The following SYTL4 variants were observed in gnomAD, a reference collection of about 807,000 sequenced individuals.
The protein encoded by SYTL4 is synaptotagmin like 4.
A neutral mutation model predicts 52.7 loss-of-function variants in SYTL4; 16 were observed. That is an observed-to-expected ratio of 0.30 (90% confidence interval 0.21 to 0.46). SYTL4 has a LOEUF of 0.46. SYTL4 is among the 20% of genes least tolerant of loss of function. The pLI, the probability that SYTL4 is intolerant of heterozygous loss-of-function variation, is 1.00. For synonymous variants in SYTL4, 160 were observed against 186.6 expected (o/e 0.86, Z 1.16); for missense variants, 423 against 519.9 (o/e 0.81, Z 1.81).
intron 8 of SYTL4, among the ~76,000 whole-genome samples, chrX:100,695,741 A>G (rs1243733365): frequency 8.9e-6 from 1 of 112,236 alleles, no homozygotes; most frequent in African/African-American, 3.2e-5. Context: ...CACATGTTCA[A>G]GTGTGCAACG....
rs2083468235 is a variant in SYTL4 at position 100,686,074 on chromosome X, G to A, written c.1365C>T (p.Asn455=). 8.3e-7 allele frequency: 1 copy of A among 1,209,807 alleles called. No homozygotes were observed. Among genetic ancestry groups the A allele is most frequent in the African/African-American group, 1.7e-5 (1 of 57,772 alleles). Residue 455 remains asparagine (N), a synonymous_variant, in exon 16 of 20, where the codon AAC becomes AAT. Transcript: ENST00000372989. ...GGATCTCTGCCTCTCCAAGGAAAGTGTTTCTGCCAAAACGACCATGATGCC... is the reference window on the plus strand; with the variant it reads ...GGATCTCTGCCTCTCCAAGGAAAGTATTTCTGCCAAAACGACCATGATGCC... ...SVWHHGRFGR[N]TFLGEAEIQM...
At chrX:100,702,879 T>C (rs1294360063) in intron 4 of SYTL4, among the ~76,000 whole-genome samples, 1 of 111,140 alleles carries the variant, frequency 9.0e-6, no homozygotes, top group Non-Finnish European at 1.9e-5. Flanking sequence ...TATGAGAACT[T>C]AGGGAAGAAA....
intron 15 of SYTL4, 120 bp from the exon 16 acceptor site, chrX:100,686,271 T>C (rs1602767892): frequency 1.4e-6 from 1 of 718,270 alleles, no homozygotes. Context: ...AATTACTTTA[T>C]GTTCCCTGAG....
At chrX:100,724,053 C>T (rs1189628427) in intron 2 of SYTL4, among the ~76,000 whole-genome samples, 1 of 86,125 alleles carries the variant, frequency 1.2e-5, no homozygotes, top group East Asian at 4.1e-4. Context: ...CCGCCCCGTC[C>T]GGGAGGTGAG....
intron 2 of SYTL4, among the ~76,000 whole-genome samples, chrX:100,710,894 T>C (rs1218114842): frequency 4.5e-5 from 5 of 112,148 alleles, no homozygotes; most frequent in Non-Finnish European, 9.4e-5. Context: ...AAGGTTTCAC[T>C]CAAGTGTTTA....
intron 2 of SYTL4, among the ~76,000 whole-genome samples, chrX:100,715,947 A>C (rs1056411827): frequency 1.2e-4 from 3 of 25,360 alleles, no homozygotes; most frequent in Non-Finnish European, 2.2e-4. Flanking sequence ...CTCTCTCTCA[A>C]AAAAAAAAAA....
chrX:100,723,467 C>T (rs374429404), intron 2 of SYTL4, among the ~76,000 whole-genome samples: 1 of 112,061 alleles, frequency 8.9e-6, no homozygotes, highest in Admixed American at 9.4e-5. Flanking sequence ...TCTCGGCTCA[C>T]TACAACCTCC....
intron 2 of SYTL4, among the ~76,000 whole-genome samples, chrX:100,713,031 G>C (rs974374855): frequency 8.9e-5 from 10 of 112,473 alleles, no homozygotes. Context: ...ATACACTACA[G>C]TGGGAATGTG....
chrX:100,713,104 C>A (rs2084107720), intron 2 of SYTL4, among the ~76,000 whole-genome samples: 1 of 111,953 alleles, frequency 8.9e-6, no homozygotes, highest in Admixed American at 9.5e-5. Flanking sequence ...CATATATCTC[C>A]CATATGACCC....
At chrX:100,726,235 C>CT (rs1402401457) in intron 2 of SYTL4, among the ~76,000 whole-genome samples, 2 of 110,393 alleles carry the variant, frequency 1.8e-5, no homozygotes, top group East Asian at 2.8e-4. Flanking sequence ...CATTTTAAAA[C>CT]TTTTTTCCAG....
At chrX:100,707,240 T>G (rs1490504272) in intron 2 of SYTL4, among the ~76,000 whole-genome samples, 2 of 112,296 alleles carry the variant, frequency 1.8e-5, no homozygotes, top group Non-Finnish European at 3.8e-5. Context: ...TAAAAAATCC[T>G]TCCCATACAG....
rs2083467854 is a variant in SYTL4, at chrX:100,686,053, C to T, written c.1386G>A (p.Glu462=). Residue 462 remains glutamate, a synonymous_variant, in exon 16 of 20, where the codon GAG becomes GAA. Coordinates refer to ENST00000372989, the MANE Select transcript of SYTL4 (RefSeq NM_001370165.1). ...FGRNTFLGEA[E]IQMDSWKLDK... ...CAAGCTTCCAGGAATCCATCTGGAT[C>T]TCTGCCTCTCCAAGGAAAGTGTTTC... is the stretch of plus-strand genomic sequence containing the variant. The T allele has an allele frequency of 8.3e-7, 1 of 1,205,155 alleles. No homozygotes were observed. The highest frequency in any genetic ancestry group is 1.1e-6 in the Non-Finnish European group (1 of 892,568).
At chrX:100,721,041 A>C (rs1388545638) in intron 2 of SYTL4, among the ~76,000 whole-genome samples, 1 of 111,945 alleles carries the variant, frequency 8.9e-6, no homozygotes. Flanking sequence ...CAAGATTAGT[A>C]CATGCATTAT....
intron 19 of SYTL4, among the ~76,000 whole-genome samples, chrX:100,677,880 G>A (rs1274010161): frequency 9.0e-6 from 1 of 111,628 alleles, no homozygotes; most frequent in East Asian, 2.8e-4. Context: ...GAAGGGGAAC[G>A]TGTAGTCAAG....
Position 100,701,968 on chromosome X carries a change from G to A in SYTL4, c.70C>T (p.Arg24Ter). The A allele has an allele frequency of 5.0e-6, 6 of 1,209,845 alleles. No homozygotes were observed. Among genetic ancestry groups the A allele is most frequent in the Non-Finnish European group, 5.6e-6 (5 of 894,404 alleles). The change falls in exon 5 of 20, where the codon CGA becomes TGA. Residue 24 changes from arginine to a stop codon, truncating the protein, a stop_gained. Transcript: ENST00000372989. LOFTEE classifies it high-confidence loss of function. ...TCTGCTTTCCGGACCTCTTCATCTC[G>A]CTGTAGAACACTGAGAATCAAATCC... ...EKDLILSVLQ[R>*]DEEVRKADEK...
At chrX:100,701,092 C>T (rs999531628) in intron 7 of SYTL4, 93 bp from the exon 8 acceptor site, 9 of 897,748 alleles carry the variant, frequency 1.0e-5, no homozygotes, top group Non-Finnish European at 1.5e-5. Flanking sequence ...ATACACCATG[C>T]TTGCAGAAGG....
Position 100,678,570 on chromosome X carries a change from C to T in SYTL4, c.1688G>A (p.Ser563Asn), listed in dbSNP as rs781522142. 6 of 1,211,537 alleles carry T rather than the reference C, an allele frequency of 5.0e-6. No individual in the cohort carries two copies. The Admixed American group carries it at 1.3e-4, about 26-fold the overall frequency. ...CTTCATCACAGGAGTTTTACGTTTACTGGCCTTGTTCCTCATGGGAAGGAG... is the reference window on the plus strand; with the variant it reads ...CTTCATCACAGGAGTTTTACGTTTATTGGCCTTGTTCCTCATGGGAAGGAG... Reference protein sequence around the residue: ...GYLLPMRNKASKRKTPVMKKT... With the variant: ...GYLLPMRNKANKRKTPVMKKT... The change falls in exon 19 of 20, where the codon AGT (serine) becomes AAT (asparagine). Residue 563 changes from serine (S) to asparagine (N), a missense_variant. Physicochemically the swap from Ser to Asn is conservative, Grantham distance 46. Transcript: ENST00000372989.
At chrX:100,730,227 C>T (rs778408263) in intron 2 of SYTL4, among the ~76,000 whole-genome samples, 1 of 111,552 alleles carries the variant, frequency 9.0e-6, no homozygotes, top group Admixed American at 9.5e-5. Flanking sequence ...ATAGTGGTAA[C>T]GTGGCAACTG....
At chrX:100,676,651 A>AT (rs1328020543) in intron 19 of SYTL4, among the ~76,000 whole-genome samples, 1 of 109,966 alleles carries the variant, frequency 9.1e-6, no homozygotes, top group African/African-American at 3.3e-5. Flanking sequence ...CGCCCAGCTA[A>AT]TTTTTTTGTA....
Sources: gnomAD v4.1 joint callset for allele counts (sites outside exome capture counted in the v4.1 genomes callset) on GRCh38, gnomAD v4.1.1 for gene constraint, MANE v1.5 for transcripts, NCBI Gene and HGNC (gene_info 2026-07-23, HGNC 2026-07-21) for gene names.